TENM3: variants seen among roughly 807,000 people sequenced by gnomAD.
TENM3 encodes the protein teneurin transmembrane protein 3.
A neutral mutation model predicts 255.1 loss-of-function variants in TENM3; 63 were observed. That is an observed-to-expected ratio of 0.25 (90% CI 0.20 to 0.30). The LOEUF (loss-of-function observed/expected upper bound fraction) is 0.30. TENM3 is among the 10% of genes least tolerant of loss of function. The pLI is 1.00. For missense variants in TENM3, 2,929 were observed against 3,461.1 expected (o/e 0.85, Z 3.86); for synonymous variants, 1,306 against 1,322.3 (o/e 0.99, Z 0.27).
the TENM3 span, among the ~76,000 whole-genome samples, chr4:181,619,618 G>A: frequency 6.6e-6 from 1 of 151,568 alleles, no homozygotes; most frequent in Admixed American, 6.6e-5. Flanking sequence ...TTGTAGAGAC[G>A]GGGTCTCACC....
chr4:182,710,545 T>G (rs1397546486), intron 12 of TENM3, among the ~76,000 whole-genome samples: 1 of 152,216 alleles, frequency 6.6e-6, no homozygotes, highest in Non-Finnish European at 1.5e-5. Flanking sequence ...TGTGGCAAAG[T>G]GAAGAATCCT....
the TENM3 span, among the ~76,000 whole-genome samples, chr4:181,877,729 C>A: frequency 6.6e-6 from 1 of 152,106 alleles, no homozygotes. Flanking sequence ...AGGCCTACAG[C>A]AAGAGGAAGG....
chr4:181,990,067 T>G, the TENM3 span, among the ~76,000 whole-genome samples: 1 of 152,132 alleles, frequency 6.6e-6, no homozygotes. Flanking sequence ...CATATAAATA[T>G]CTCATTTAGT....
intron 7 of TENM3, among the ~76,000 whole-genome samples, chr4:182,674,467 T>A (rs1289625079): frequency 6.6e-6 from 1 of 152,168 alleles, no homozygotes; most frequent in Non-Finnish European, 1.5e-5. Flanking sequence ...TTAATATCTA[T>A]ATTATTAAAG....
chr4:181,566,851 G>A, the TENM3 span, among the ~76,000 whole-genome samples: 2 of 152,160 alleles, frequency 1.3e-5, no homozygotes, highest in Non-Finnish European at 1.5e-5. Flanking sequence ...AGGCTGCTTC[G>A]CCACATCACT....
intron 6 of TENM3, among the ~76,000 whole-genome samples, chr4:182,661,768 C>T (rs1379014784): frequency 1.3e-5 from 2 of 152,110 alleles, no homozygotes; most frequent in African/African-American, 2.4e-5. Context: ...TGCTTCCTGA[C>T]GTCTTAATTA....
chr4:181,840,862 G>A, the TENM3 span, among the ~76,000 whole-genome samples: 1 of 152,098 alleles, frequency 6.6e-6, no homozygotes, highest in Non-Finnish European at 1.5e-5. Flanking sequence ...ATAACTTAAT[G>A]TTTCAGTTAC....
At chr4:181,832,922 A>G in the TENM3 span, among the ~76,000 whole-genome samples, 1 of 152,154 alleles carries the variant, frequency 6.6e-6, no homozygotes, top group African/African-American at 2.4e-5. Flanking sequence ...GAAGATGAGG[A>G]ATCTTTACCA....
intron 13 of TENM3, among the ~76,000 whole-genome samples, chr4:182,721,220 T>C (rs1437006552): frequency 6.6e-6 from 1 of 152,050 alleles, no homozygotes; most frequent in Admixed American, 6.6e-5. Context: ...AGGTAAGGGG[T>C]TTTATTAGAA....
At chr4:181,564,546 A>G in the TENM3 span, among the ~76,000 whole-genome samples, 3 of 152,096 alleles carry the variant, frequency 2.0e-5, no homozygotes, top group African/African-American at 7.2e-5. Flanking sequence ...CACCAACTGT[A>G]CCTATGTACA....
chr4:182,342,580 G>A (rs1764549670), intron 2 of TENM3, among the ~76,000 whole-genome samples: 1 of 152,102 alleles, frequency 6.6e-6, no homozygotes, highest in African/African-American at 2.4e-5. Context: ...TGAATATACT[G>A]AAAACCATTA....
At chr4:182,584,191 A>G (rs1256955432) in intron 3 of TENM3, among the ~76,000 whole-genome samples, 3 of 152,258 alleles carry the variant, frequency 2.0e-5, no homozygotes, top group Non-Finnish European at 4.4e-5. Context: ...CACTTGCACC[A>G]TTAAGAGCTA....
At chr4:181,581,930 G>C in the TENM3 span, among the ~76,000 whole-genome samples, 1 of 151,842 alleles carries the variant, frequency 6.6e-6, no homozygotes. Flanking sequence ...ATTGAGTTTC[G>C]CCATGTTACC....
chr4:182,129,827 C>T, the TENM3 span, among the ~76,000 whole-genome samples: 2 of 152,032 alleles, frequency 1.3e-5, no homozygotes, highest in Non-Finnish European at 2.9e-5. Context: ...ATTATAAGCA[C>T]CCAAGAGACA....
the TENM3 span, among the ~76,000 whole-genome samples, chr4:182,029,503 G>A: frequency 2.6e-3 from 57 of 21,558 alleles, no homozygotes; most frequent in African/African-American, 2.8e-3. Context: ...CTTTATGTAT[G>A]TGGGTCATCC....
the TENM3 span, among the ~76,000 whole-genome samples, chr4:181,756,900 T>G: frequency 6.6e-6 from 1 of 152,182 alleles, no homozygotes; most frequent in African/African-American, 2.4e-5. Context: ...TAGCTAATCC[T>G]CCTATACTCA....
Position 182,714,229 on chromosome 4 carries a change from A to T in TENM3, c.2364A>T (p.Glu788Asp). ...ETLCTDSKDN[E>D]GDGLIDCMDP... is the part of the protein sequence containing the mutation. ...TTTGCACAGATAGCAAGGACAATGA[A>T]GGAGGTAAGAAATACTGAGCATGAA... is the stretch of plus-strand genomic sequence containing the variant. Residue 788 changes from glutamate (E) to aspartate (D), a missense_variant, in exon 13 of 28, where the codon GAA (glutamate) becomes GAT (aspartate). Glu to Asp is a conservative substitution (Grantham distance 45). Coordinates refer to ENST00000511685, the MANE Select transcript of TENM3 (RefSeq NM_001080477.4). The T allele has an allele frequency of 6.2e-7, 1 of 1,602,328 alleles. No individual in the cohort carries two copies. The highest frequency in any genetic ancestry group is 8.5e-7 in the Non-Finnish European group (1 of 1,173,474).
the TENM3 span, among the ~76,000 whole-genome samples, chr4:181,950,031 G>A: frequency 2.0e-5 from 3 of 152,136 alleles, no homozygotes; most frequent in African/African-American, 4.8e-5. Context: ...TGACTTGCAC[G>A]TATATACGCA....
chr4:181,833,801 T>A, the TENM3 span, among the ~76,000 whole-genome samples: 1 of 152,160 alleles, frequency 6.6e-6, no homozygotes, highest in Admixed American at 6.5e-5. Context: ...TTGGAATTAC[T>A]CGGTAATATG....
Sources: allele counts gnomAD v4.1 joint callset (sites outside exome capture counted in the v4.1 genomes callset), GRCh38; gene constraint gnomAD v4.1.1; transcripts MANE v1.5; gene names NCBI Gene and HGNC (gene_info 2026-07-23, HGNC 2026-07-21).